The following OPCML variants were observed in gnomAD, a reference collection of about 807,000 sequenced individuals.
The protein encoded by OPCML is opioid-binding protein/cell adhesion molecule.
In OPCML, 13 loss-of-function variants were observed where a neutral mutation model predicts 37.8. The ratio of observed to expected loss-of-function variants is 0.34; its 90% CI spans 0.22 to 0.55. The LOEUF (loss-of-function observed/expected upper bound fraction) is 0.55, where lower values mean the gene tolerates loss of function less well. OPCML is among the 20% of genes least tolerant of loss of function. The pLI is 0.91. For missense variants in OPCML, 341 were observed against 435.6 expected (o/e 0.78, Z 1.93); for synonymous variants, 176 against 168.8 (o/e 1.04, Z -0.33).
chr11:133,439,613 G>A (rs954789069), intron 1 of OPCML, among the ~76,000 whole-genome samples: 4 of 151,868 alleles, frequency 2.6e-5, no homozygotes, highest in South Asian at 2.1e-4. Context: ...GACTACAGGT[G>A]CCCGCCACCA....
chr11:133,472,606 G>A (rs1323328393), intron 1 of OPCML, among the ~76,000 whole-genome samples: 3 of 151,676 alleles, frequency 2.0e-5, no homozygotes, highest in Non-Finnish European at 4.4e-5. Context: ...GGCTCAACAG[G>A]GTATCTTGCT....
intron 1 of OPCML, among the ~76,000 whole-genome samples, chr11:132,994,232 G>A (rs1946836433): frequency 6.6e-6 from 1 of 152,192 alleles, no homozygotes; most frequent in Admixed American, 6.5e-5. Context: ...CCTGCCAGGA[G>A]CCGGCGCGCG....
intron 3 of OPCML, among the ~76,000 whole-genome samples, chr11:132,539,510 A>ATGCTGC (rs375680037): frequency 2.0e-5 from 3 of 152,094 alleles, no homozygotes; most frequent in Non-Finnish European, 2.9e-5. Context: ...GTTTAAAGAC[A>ATGCTGC]TGCTGCTGCT....
At chr11:132,694,301 C>T (rs1591739705) in intron 2 of OPCML, among the ~76,000 whole-genome samples, 3 of 147,048 alleles carry the variant, frequency 2.0e-5, no homozygotes, top group Non-Finnish European at 1.5e-5. Flanking sequence ...GGGGTTCAAG[C>T]GATTCCCCTG....
intron 1 of OPCML, among the ~76,000 whole-genome samples, chr11:132,949,702 AT>A (rs1945817892): frequency 6.6e-6 from 1 of 152,234 alleles, no homozygotes; most frequent in South Asian, 2.1e-4. Context: ...TTATTTACTA[AT>A]TCTGTAAATA....
intron 2 of OPCML, among the ~76,000 whole-genome samples, chr11:132,728,113 C>T (rs567443184): frequency 1.3e-5 from 2 of 152,354 alleles, no homozygotes; most frequent in Non-Finnish European, 2.9e-5. Flanking sequence ...ACGTGTGCCG[C>T]GCCTGTAACA....
intron 1 of OPCML, among the ~76,000 whole-genome samples, chr11:133,520,915 A>G (rs1288318608): frequency 6.6e-6 from 1 of 152,116 alleles, no homozygotes; most frequent in Non-Finnish European, 1.5e-5. Context: ...AGGCAAACCA[A>G]ACATTGACTC....
chr11:133,529,498 G>T (rs1272212465), intron 1 of OPCML, among the ~76,000 whole-genome samples: 1 of 152,192 alleles, frequency 6.6e-6, no homozygotes, highest in Non-Finnish European at 1.5e-5. Context: ...GCTCATCTCA[G>T]TCTCCACGTG....
intron 1 of OPCML, among the ~76,000 whole-genome samples, chr11:133,356,606 A>G (rs1456187766): frequency 6.6e-6 from 1 of 152,178 alleles, no homozygotes; most frequent in Non-Finnish European, 1.5e-5. Flanking sequence ...ACTATCATTA[A>G]TTGTTGAACT....
At chr11:133,111,608 C>A (rs564688501) in intron 1 of OPCML, among the ~76,000 whole-genome samples, 14 of 152,338 alleles carry the variant, frequency 9.2e-5, no homozygotes, top group African/African-American at 3.4e-4. Flanking sequence ...ATTCTTTCAT[C>A]ATCTCTGCCC....
chr11:133,347,279 G>T (rs1944025575), intron 1 of OPCML, among the ~76,000 whole-genome samples: 1 of 152,180 alleles, frequency 6.6e-6, no homozygotes, highest in Non-Finnish European at 1.5e-5. Context: ...CTCCCTGGGA[G>T]CAGCCAGCAC....
intron 1 of OPCML, among the ~76,000 whole-genome samples, chr11:133,348,880 C>A (rs1446662919): frequency 6.6e-6 from 1 of 152,240 alleles, no homozygotes; most frequent in African/African-American, 2.4e-5. Context: ...ATGGCCTTGA[C>A]ATTTAAGGAA....
chr11:132,845,575 G>C (rs1941489458), intron 2 of OPCML, among the ~76,000 whole-genome samples: 1 of 152,186 alleles, frequency 6.6e-6, no homozygotes, highest in Admixed American at 6.5e-5. Context: ...TGGGATCCCA[G>C]GATGGGAGCC....
At chr11:132,800,369 C>A (rs1022486307) in intron 2 of OPCML, among the ~76,000 whole-genome samples, 5 of 152,102 alleles carry the variant, frequency 3.3e-5, no homozygotes, top group Non-Finnish European at 7.4e-5. Flanking sequence ...TACTTTCCTT[C>A]TAATCTGAAT....
chr11:132,494,786 C>A (rs578075476), intron 4 of OPCML, among the ~76,000 whole-genome samples: 1 of 152,220 alleles, frequency 6.6e-6, no homozygotes, highest in Non-Finnish European at 1.5e-5. Flanking sequence ...AACTTCCTTT[C>A]CTCCATGTCA....
At chr11:133,095,625 C>T (rs1269313037) in intron 1 of OPCML, among the ~76,000 whole-genome samples, 1 of 145,224 alleles carries the variant, frequency 6.9e-6, no homozygotes, top group Non-Finnish European at 1.5e-5. Flanking sequence ...ACTACTGATA[C>T]AGTAGTCATG....
intron 2 of OPCML, among the ~76,000 whole-genome samples, chr11:132,733,224 T>G (rs186189963): frequency 2.0e-4 from 30 of 152,126 alleles, no homozygotes; most frequent in Non-Finnish European, 1.0e-4. Flanking sequence ...GAATGATAGT[T>G]AAAGTCATGG....
chr11:133,187,926 T>C (rs2136296540), intron 1 of OPCML, among the ~76,000 whole-genome samples: 1 of 152,282 alleles, frequency 6.6e-6, no homozygotes, highest in South Asian at 2.1e-4. Flanking sequence ...AGCTAACACA[T>C]GGTGGAGTCA....
chr11:132,967,637 T>C (rs886511046), intron 1 of OPCML, among the ~76,000 whole-genome samples: 14 of 152,184 alleles, frequency 9.2e-5, no homozygotes, highest in African/African-American at 3.4e-4. Context: ...ATGTACACAT[T>C]GCTTTCTACA....
Sources: allele counts gnomAD v4.1 joint callset (sites outside exome capture counted in the v4.1 genomes callset), GRCh38; gene constraint gnomAD v4.1.1; transcripts MANE v1.5; gene names NCBI Gene and HGNC (gene_info 2026-07-23, HGNC 2026-07-21).